Variants in CSMD3 observed in about 807,000 individuals in gnomAD.
The protein encoded by CSMD3 is CUB and sushi domain-containing protein 3.
In CSMD3, 177 loss-of-function variants were observed where a neutral mutation model predicts 435.2. The ratio of observed to expected loss-of-function variants is 0.41; its 90% CI spans 0.36 to 0.46. The LOEUF is 0.46. Among genes scored for constraint, CSMD3 ranks in the 20% least tolerant of loss-of-function variants. The probability of loss-of-function intolerance (pLI) is 0.34; values close to 1 mark genes in which losing one functional copy is unlikely to be tolerated. For missense variants in CSMD3, 4,265 were observed against 4,504.6 expected, an observed-to-expected ratio of 0.95 and a Z score of 1.52; for synonymous variants, 1,656 against 1,520.5, an observed-to-expected ratio of 1.09 and a Z score of -2.07.
chr8:112,627,072 T>C (rs1348521222), intron 22 of CSMD3, among the ~76,000 whole-genome samples: 1 of 152,138 alleles, frequency 6.6e-6, no homozygotes, highest in Non-Finnish European at 1.5e-5. Context: ...CTGGCATTAA[T>C]ATATACTAGG....
chr8:113,293,420 C>T (rs2132542092), intron 2 of CSMD3, among the ~76,000 whole-genome samples: 1 of 152,044 alleles, frequency 6.6e-6, no homozygotes, highest in Middle Eastern at 3.4e-3. Flanking sequence ...GACTGTATTG[C>T]TTTGAGGATC....
At chr8:112,596,628 T>C (rs971594034) in intron 22 of CSMD3, among the ~76,000 whole-genome samples, 2 of 151,798 alleles carry the variant, frequency 1.3e-5, no homozygotes, top group Non-Finnish European at 2.9e-5. Context: ...AAAGCTCTCC[T>C]CAGCAAATGT....
chr8:112,999,826 A>C (rs1390206830), intron 6 of CSMD3, among the ~76,000 whole-genome samples: 1 of 149,788 alleles, frequency 6.7e-6, no homozygotes, highest in Non-Finnish European at 1.5e-5. Flanking sequence ...ATAAATGAGA[A>C]AAAAAAAGGT....
intron 67 of CSMD3, 92 bp from the exon 68 acceptor site, chr8:112,234,569 G>T: frequency 1.3e-6 from 1 of 782,222 alleles, no homozygotes; most frequent in Non-Finnish European, 2.2e-6. Flanking sequence ...GATTATGTAA[G>T]ATATGTAATT....
chr8:112,861,967 T>C (rs997632900), intron 10 of CSMD3, among the ~76,000 whole-genome samples: 3 of 151,966 alleles, frequency 2.0e-5, no homozygotes, highest in African/African-American at 7.2e-5. Context: ...TAGGTACGTT[T>C]GCTAAAGAAA....
intron 12 of CSMD3, among the ~76,000 whole-genome samples, chr8:112,810,802 A>G (rs923231530): frequency 1.3e-5 from 2 of 152,152 alleles, no homozygotes; most frequent in African/African-American, 4.8e-5. Flanking sequence ...CCTCCAAAAA[A>G]TATTTTATTT....
chr8:113,258,073 T>C (rs1465588052), intron 3 of CSMD3, among the ~76,000 whole-genome samples: 1 of 152,186 alleles, frequency 6.6e-6, no homozygotes, highest in Non-Finnish European at 1.5e-5. Context: ...ATCTGAAGAA[T>C]TGTTTATGAC....
intron 13 of CSMD3, among the ~76,000 whole-genome samples, chr8:112,768,939 G>A (rs1410737886): frequency 6.6e-6 from 1 of 151,756 alleles, no homozygotes; most frequent in Non-Finnish European, 1.5e-5. Context: ...GATCATCTGT[G>A]GCAACCTCAA....
chr8:112,757,224 C>CT (rs1016006458), intron 13 of CSMD3, among the ~76,000 whole-genome samples: 2 of 151,858 alleles, frequency 1.3e-5, no homozygotes, highest in Non-Finnish European at 2.9e-5. Flanking sequence ...CTATGGAAAG[C>CT]TTTTTTTATT....
chr8:113,278,314 A>C (rs1312085116), intron 3 of CSMD3, among the ~76,000 whole-genome samples: 1 of 151,812 alleles, frequency 6.6e-6, no homozygotes, highest in African/African-American at 2.4e-5. Flanking sequence ...TGCCTGACAC[A>C]CAAATCAGGT....
chr8:112,772,599 G>A (rs1395762601), intron 13 of CSMD3, among the ~76,000 whole-genome samples: 1 of 152,010 alleles, frequency 6.6e-6, no homozygotes, highest in Non-Finnish European at 1.5e-5. Context: ...CCTGTAAAGG[G>A]TCTGTGCTGA....
intron 1 of CSMD3, among the ~76,000 whole-genome samples, chr8:113,316,636 C>A (rs1270898703): frequency 6.6e-6 from 1 of 151,530 alleles, no homozygotes; most frequent in African/African-American, 2.4e-5. Context: ...TGCAACCTCC[C>A]CCTCCTGGGT....
chr8:112,356,302 CAGCCATTAAATAATAT>C (rs1165555497), intron 38 of CSMD3, among the ~76,000 whole-genome samples: 28 of 152,160 alleles, frequency 1.8e-4, no homozygotes, highest in Non-Finnish European at 4.1e-4. Flanking sequence ...AAATAATATG[CAGCCATTAAATAATAT>C]GCAGCCATAA....
At chr8:112,232,580 G>A (rs1474841822) in intron 68 of CSMD3, among the ~76,000 whole-genome samples, 1 of 152,152 alleles carries the variant, frequency 6.6e-6, no homozygotes, top group Non-Finnish European at 1.5e-5. Context: ...CTGCACTCCA[G>A]CCTGGGCAAC....
At chr8:113,083,239 G>GC (rs2089634977) in intron 5 of CSMD3, among the ~76,000 whole-genome samples, 1 of 151,940 alleles carries the variant, frequency 6.6e-6, no homozygotes, top group African/African-American at 2.4e-5. Flanking sequence ...TTCTAAAACA[G>GC]CAAGAGAAAA....
chr8:112,678,821 T>C (rs947278823), intron 16 of CSMD3, among the ~76,000 whole-genome samples: 1 of 152,142 alleles, frequency 6.6e-6, no homozygotes, highest in Admixed American at 6.5e-5. Context: ...AAAGTTATTC[T>C]ATTTGAAATG....
chr8:112,924,805 G>C (rs568748591), intron 9 of CSMD3, among the ~76,000 whole-genome samples: 1 of 151,944 alleles, frequency 6.6e-6, no homozygotes, highest in Non-Finnish European at 1.5e-5. Context: ...CAGAATCACA[G>C]GTATCTCCTT....
chr8:113,390,556 C>T (rs1474060533), intron 1 of CSMD3, among the ~76,000 whole-genome samples: 1 of 151,768 alleles, frequency 6.6e-6, no homozygotes, highest in Admixed American at 6.6e-5. Flanking sequence ...AGGTTGTGAA[C>T]TCCTTCAGAA....
chr8:112,312,873 T>C (rs1344266474), intron 49 of CSMD3, among the ~76,000 whole-genome samples: 3 of 152,194 alleles, frequency 2.0e-5, no homozygotes, highest in African/African-American at 7.2e-5. Context: ...CCCGGAATCA[T>C]AGTGTCAGAG....
Sources: gnomAD v4.1 joint callset for allele counts (sites outside exome capture counted in the v4.1 genomes callset) on GRCh38, gnomAD v4.1.1 for gene constraint, MANE v1.5 for transcripts, NCBI Gene and HGNC (gene_info 2026-07-23, HGNC 2026-07-21) for gene names.